The following RUNX1 variants were observed in gnomAD, a reference collection of about 807,000 sequenced individuals.
The protein encoded by RUNX1 is RUNX family transcription factor 1, also known as runt-related transcription factor 1.
RUNX1 carries 19 observed loss-of-function variants against 42.8 expected under a neutral mutation model. The ratio of observed to expected loss-of-function variants is 0.44; its 90% CI spans 0.31 to 0.65. The LOEUF (loss-of-function observed/expected upper bound fraction) is 0.65, where lower values mean the gene tolerates loss of function less well. RUNX1 is among the 30% of genes least tolerant of loss of function. The pLI is 0.07. For synonymous variants in RUNX1, 271 were observed against 289.4 expected (o/e 0.94, Z 0.64); for missense variants, 528 against 672.0 (o/e 0.79, Z 2.37).
chr21:34,905,845 GC>G (rs1234028168), intron 2 of RUNX1, among the ~76,000 whole-genome samples: 1 of 152,086 alleles, frequency 6.6e-6, no homozygotes, highest in Non-Finnish European at 1.5e-5. Context: ...TTATCACGTA[GC>G]TTTTCCCCCT....
At chr21:34,889,023 C>G (rs2058041371) in intron 3 of RUNX1, among the ~76,000 whole-genome samples, 1 of 151,308 alleles carries the variant, frequency 6.6e-6, no homozygotes, top group African/African-American at 2.4e-5. Flanking sequence ...GGCCACGGTC[C>G]GGAGACCTGG....
In RUNX1 at chr21:34,843,665, C is replaced by G. The variant is rs538678874; in HGVS notation, c.614-9064G>C. On this transcript the variant is annotated intron_variant, in intron 6 of 8. Coordinates refer to ENST00000675419, the MANE Select transcript of RUNX1 (RefSeq NM_001754.5). The surrounding 1 kb of genome is among the most constrained non-coding windows in gnomAD (Gnocchi z 4.8). ...ACTTCAAGCCAGAGACGCACACAGG[C>G]CTGCCCCTCCCCAGCCCCCCTGCAC... is the stretch of plus-strand genomic sequence containing the variant. Among the ~76,000 whole-genome samples, 1 of 152,234 alleles carries G rather than the reference C, an allele frequency of 6.6e-6. No individual in the cohort carries two copies. The highest frequency in any genetic ancestry group is 1.5e-5 in the Non-Finnish European group (1 of 68,004).
rs113118471 is a variant in RUNX1, at chr21:34,880,388, C to T, written c.508+169G>A. Reference sequence around the variant, plus strand: ...ATAAAGCAATAATATAGAGATTCTGCTAAAAATATTAAACTTCAAATAAAT... The same window carrying T: ...ATAAAGCAATAATATAGAGATTCTGTTAAAAATATTAAACTTCAAATAAAT... On this transcript the variant is annotated intron_variant, in intron 5 of 8. Transcript: ENST00000675419. Among the ~76,000 whole-genome samples the T allele has an allele frequency of 0.013, 1,986 of 152,236 alleles. 51 individuals are homozygous for T. Among genetic ancestry groups the T allele is most frequent in the African/African-American group, 0.045 (1,884 of 41,520 alleles).
At chr21:34,981,677 AT>A (rs2058847425) in intron 2 of RUNX1, among the ~76,000 whole-genome samples, 1 of 152,158 alleles carries the variant, frequency 6.6e-6, no homozygotes, top group Admixed American at 6.5e-5. Flanking sequence ...TTGGTAACTG[AT>A]TTTTCAAAGA....
chr21:34,798,133 A>G (rs1196060371), intron 8 of RUNX1: 1 of 456,706 alleles, frequency 2.2e-6, no homozygotes, highest in Non-Finnish European at 4.4e-6. Flanking sequence ...AATGGCAGAC[A>G]TGACTCCACT....
chr21:34,992,039 C>A (rs2058947563), intron 2 of RUNX1, among the ~76,000 whole-genome samples: 1 of 152,232 alleles, frequency 6.6e-6, no homozygotes, highest in Non-Finnish European at 1.5e-5. Context: ...TGATTTTGGA[C>A]TTCTGGCGTC....
chr21:34,860,918 T>C (rs1386444380), intron 5 of RUNX1, among the ~76,000 whole-genome samples: 1 of 152,206 alleles, frequency 6.6e-6, no homozygotes, highest in Non-Finnish European at 1.5e-5. Flanking sequence ...ATTCTATCTG[T>C]ATTAAAGTCT....
chr21:34,856,949 G>T (rs1049901287), intron 6 of RUNX1, among the ~76,000 whole-genome samples: 1 of 152,194 alleles, frequency 6.6e-6, no homozygotes, highest in Non-Finnish European at 1.5e-5. Context: ...CCTGAATGAA[G>T]ACGTTCAAAC....
At chr21:34,868,024 C>A (rs771210688) in intron 5 of RUNX1, among the ~76,000 whole-genome samples, 1 of 152,208 alleles carries the variant, frequency 6.6e-6, no homozygotes, top group East Asian at 1.9e-4. Context: ...GCTGGGAGGC[C>A]TGAGGCATGG....
At chr21:35,020,821 C>T (rs1333856967) in intron 2 of RUNX1, among the ~76,000 whole-genome samples, 1 of 152,194 alleles carries the variant, frequency 6.6e-6, no homozygotes, top group East Asian at 1.9e-4. Flanking sequence ...AATAGTGTCT[C>T]ATTTATAAAA....
rs150948069 is a variant in RUNX1 at position 34,907,637 on chromosome 21, G to A, written c.59-14674C>T. Among the ~76,000 whole-genome samples, 14 of 152,192 alleles carry A rather than the reference G, an allele frequency of 9.2e-5. No homozygotes were observed. The highest frequency in any genetic ancestry group is 2.9e-4 in the African/African-American group (12 of 41,522). ...CTGAAGTTCTCCTTTCTGTGCCTCC[G>A]CTTCCACCTTTGCCAAGTCTAAAAT... On this transcript the variant is annotated intron_variant, in intron 2 of 8. Transcript: ENST00000675419. This position sits in a 1 kb window ranked among gnomAD's most constrained non-coding sequence, Gnocchi z 5.3.
intron 2 of RUNX1, among the ~76,000 whole-genome samples, chr21:34,954,765 A>C (rs908779990): frequency 3.3e-5 from 5 of 152,172 alleles, no homozygotes; most frequent in African/African-American, 1.2e-4. Flanking sequence ...GGGACCCTGA[A>C]TCACTGCGTG....
At chr21:34,821,270 T>G (rs186833451) in intron 7 of RUNX1, 316 of 1,077,396 alleles carry the variant, frequency 2.9e-4, no homozygotes, top group Non-Finnish European at 3.4e-4. Context: ...AGCACATAAA[T>G]AGCAATAATA....
intron 3 of RUNX1, among the ~76,000 whole-genome samples, chr21:34,889,407 G>C (rs2058049117): frequency 6.6e-6 from 1 of 152,154 alleles, no homozygotes; most frequent in African/African-American, 2.4e-5. Context: ...GCTGCGCCCG[G>C]GCCGCGGCTC....
intron 5 of RUNX1, among the ~76,000 whole-genome samples, chr21:34,864,947 C>A (rs187201278): frequency 3.3e-5 from 5 of 152,268 alleles, no homozygotes; most frequent in African/African-American, 1.2e-4. Flanking sequence ...TGTGGACTCT[C>A]AAGGCAACCT....
At chr21:34,919,918 C>T (rs1187480315) in intron 2 of RUNX1, among the ~76,000 whole-genome samples, 1 of 152,188 alleles carries the variant, frequency 6.6e-6, no homozygotes, top group African/African-American at 2.4e-5. Context: ...AGCATTCCTT[C>T]CTTCCTCACG....
intron 2 of RUNX1, among the ~76,000 whole-genome samples, chr21:35,032,806 G>A (rs2059282087): frequency 6.6e-6 from 1 of 152,314 alleles, no homozygotes; most frequent in Middle Eastern, 3.4e-3. Flanking sequence ...GAATTAAGGG[G>A]AACCAAGTTT....
At chr21:34,871,882 C>A (rs1212662283) in intron 5 of RUNX1, among the ~76,000 whole-genome samples, 1 of 150,722 alleles carries the variant, frequency 6.6e-6, no homozygotes, top group Non-Finnish European at 1.5e-5. Flanking sequence ...CTTGCTCTGT[C>A]ACCCAGGCTG....
At chr21:35,003,937 ACAGG>A (rs1275859009) in intron 2 of RUNX1, among the ~76,000 whole-genome samples, 1 of 152,258 alleles carries the variant, frequency 6.6e-6, no homozygotes, top group Non-Finnish European at 1.5e-5. Flanking sequence ...TAGCTAGAGC[ACAGG>A]CATTTACCTT....
Sources: allele counts gnomAD v4.1 joint callset (sites outside exome capture counted in the v4.1 genomes callset), GRCh38; gene constraint gnomAD v4.1.1; non-coding constraint Gnocchi (gnomAD v3.1); transcripts MANE v1.5; gene names NCBI Gene and HGNC (gene_info 2026-07-23, HGNC 2026-07-21).